GRXCR1: variants seen among roughly 807,000 people sequenced by gnomAD.
GRXCR1 encodes glutaredoxin domain-containing cysteine-rich protein 1.
Under a neutral mutation model 27.3 loss-of-function variants are expected in GRXCR1, and 27 were observed. The observed-to-expected ratio is 0.99, with a 90% CI of 0.73 to 1.37. The LOEUF (loss-of-function observed/expected upper bound fraction) is 1.37. Ranked by LOEUF, GRXCR1 falls within the 40% of genes most tolerant of loss-of-function variation. The pLI is 0.00. For missense variants in GRXCR1, 379 were observed against 354.4 expected (o/e 1.07, Z -0.56); for synonymous variants, 122 against 131.1 (o/e 0.93, Z 0.47).
chr4:42,980,848 G>C (rs1264344226), intron 2 of GRXCR1, among the ~76,000 whole-genome samples: 2 of 151,546 alleles, frequency 1.3e-5, no homozygotes, highest in East Asian at 1.9e-4. Context: ...AATATTTTTT[G>C]GTTTCCATTT....
chr4:42,966,160 C>T (rs1187924018), intron 2 of GRXCR1, among the ~76,000 whole-genome samples: 1 of 151,990 alleles, frequency 6.6e-6, no homozygotes, highest in Non-Finnish European at 1.5e-5. Flanking sequence ...CATTATTTTG[C>T]ATCAGAAATT....
At chr4:42,983,288 C>G (rs1577931370) in intron 2 of GRXCR1, among the ~76,000 whole-genome samples, 2 of 145,206 alleles carry the variant, frequency 1.4e-5, no homozygotes, top group Admixed American at 1.4e-4. Flanking sequence ...AGCCAGTTTT[C>G]CCAGCACCAT....
chr4:42,942,640 C>G (rs16855134), intron 1 of GRXCR1, among the ~76,000 whole-genome samples: 40,646 of 151,974 alleles, frequency 0.27, 6,022 homozygotes, highest in African/African-American at 0.4. Context: ...GGGCTTCTTA[C>G]TCCAGCAACA....
intron 2 of GRXCR1, among the ~76,000 whole-genome samples, chr4:42,990,621 T>C (rs1400085197): frequency 6.6e-6 from 1 of 152,146 alleles, no homozygotes; most frequent in African/African-American, 2.4e-5. Flanking sequence ...TAATACTTCT[T>C]TGGAGATTTT....
At chr4:42,895,400 C>T (rs1183210790) in intron 1 of GRXCR1, among the ~76,000 whole-genome samples, 2 of 152,248 alleles carry the variant, frequency 1.3e-5, no homozygotes, top group Admixed American at 1.3e-4. Flanking sequence ...ATCTATCCCT[C>T]CCAACTGCCC....
At chr4:42,898,239 A>G (rs13140455) in intron 1 of GRXCR1, among the ~76,000 whole-genome samples, 39,813 of 139,372 alleles carry the variant, frequency 0.29, 6,358 homozygotes, top group Non-Finnish European at 0.4. Flanking sequence ...TTTATCATTT[A>G]TTGAACATTT....
At chr4:42,919,038 GCATAAC>G (rs1746948584) in intron 1 of GRXCR1, among the ~76,000 whole-genome samples, 2 of 152,198 alleles carry the variant, frequency 1.3e-5, no homozygotes, top group African/African-American at 4.8e-5. Context: ...ATAATAGCCA[GCATAAC>G]CATTTAATAA....
intron 3 of GRXCR1, among the ~76,000 whole-genome samples, chr4:43,022,760 A>G (rs1028950002): frequency 1.3e-5 from 2 of 152,210 alleles, no homozygotes; most frequent in African/African-American, 4.8e-5. Context: ...TACAGATCCA[A>G]ACCGATCCCA....
At chr4:42,914,407 C>T (rs573981841) in intron 1 of GRXCR1, among the ~76,000 whole-genome samples, 6 of 152,340 alleles carry the variant, frequency 3.9e-5, no homozygotes, top group African/African-American at 1.4e-4. Context: ...TTAATAACTG[C>T]CCTATTGAAT....
Position 42,955,895 on chromosome 4 carries a change from C to T in GRXCR1, c.385-6997C>T, listed in dbSNP as rs184820949. Among the ~76,000 whole-genome samples the T allele has an allele frequency of 1.8e-4, 28 of 152,120 alleles. 1 individual carries two copies. The highest frequency in any genetic ancestry group is 6.3e-4 in the African/African-American group (26 of 41,512). On this transcript the variant is annotated intron_variant, in intron 1 of 3. Transcript: ENST00000399770. ...AATAACCCACTGGATTTGCATCTGC[C>T]TGAGGAGCTGAGCCTGCTCCGTGCT...
chr4:43,007,284 G>C (rs193208590), intron 2 of GRXCR1, among the ~76,000 whole-genome samples: 1 of 152,264 alleles, frequency 6.6e-6, no homozygotes, highest in Non-Finnish European at 1.5e-5. Flanking sequence ...AGCTGGGCTT[G>C]TTCTAGGAGC....
chr4:42,973,966 C>A (rs1748446807), intron 2 of GRXCR1, among the ~76,000 whole-genome samples: 1 of 152,102 alleles, frequency 6.6e-6, no homozygotes, highest in African/African-American at 2.4e-5. Flanking sequence ...AAAGCACAAA[C>A]AAATTGGTGG....
intron 2 of GRXCR1, among the ~76,000 whole-genome samples, chr4:42,975,552 C>T (rs529252361): frequency 6.6e-5 from 10 of 152,226 alleles, no homozygotes; most frequent in African/African-American, 2.4e-4. Context: ...TAACAGATGT[C>T]TCTTCCAGCA....
chr4:42,936,977 C>T (rs1407585777), intron 1 of GRXCR1, among the ~76,000 whole-genome samples: 1 of 151,840 alleles, frequency 6.6e-6, no homozygotes, highest in South Asian at 2.1e-4. Flanking sequence ...CCCTACTTTC[C>T]ACACTGTACT....
At chr4:43,017,272 G>A (rs16855222) in intron 2 of GRXCR1, among the ~76,000 whole-genome samples, 8,980 of 152,182 alleles carry the variant, frequency 0.059, 826 homozygotes, top group African/African-American at 0.2. Flanking sequence ...ATATACCCCA[G>A]ACTAGGAGTT....
rs376879168 is a variant in GRXCR1, at chr4:42,893,372, G to A, written c.106G>A (p.Gly36Arg). Residue 36 changes from glycine (G) to arginine (R), a missense_variant, in exon 1 of 4, where the codon GGG (glycine) becomes AGG (arginine). Physicochemically the swap from Gly to Arg is moderately radical, Grantham distance 125. Coordinates refer to ENST00000399770, the MANE Select transcript of GRXCR1 (RefSeq NM_001080476.3). ...AGTTCTGAAGGAAGTGTATGAAGAT[G>A]GGCAACCGTCAGGCTCTCTGGATTC... ...GRVLKEVYEDGQPSGSLDSEC... is the reference protein window; with the variant it reads ...GRVLKEVYEDRQPSGSLDSEC... 20 of 1,613,810 alleles carry A rather than the reference G, an allele frequency of 1.2e-5. No homozygotes were observed. In the African/African-American group the frequency reaches 2.1e-4, roughly 17 times the overall value.
At chr4:42,996,849 G>A (rs906605575) in intron 2 of GRXCR1, among the ~76,000 whole-genome samples, 1 of 151,834 alleles carries the variant, frequency 6.6e-6, no homozygotes, top group Non-Finnish European at 1.5e-5. Flanking sequence ...TAAAAGACAC[G>A]TTAGTAATTA....
intron 2 of GRXCR1, among the ~76,000 whole-genome samples, chr4:42,966,786 T>A (rs929742755): frequency 3.9e-5 from 6 of 152,172 alleles, no homozygotes; most frequent in African/African-American, 1.4e-4. Flanking sequence ...CTTTCCCTAA[T>A]GACATATGAT....
chr4:43,012,590 G>C (rs531246391), intron 2 of GRXCR1, among the ~76,000 whole-genome samples: 1 of 151,888 alleles, frequency 6.6e-6, no homozygotes, highest in South Asian at 2.1e-4. Flanking sequence ...ACTAATTATT[G>C]AGTTCATATT....
Sources: allele counts gnomAD v4.1 joint callset (sites outside exome capture counted in the v4.1 genomes callset), GRCh38; gene constraint gnomAD v4.1.1; transcripts MANE v1.5; gene names NCBI Gene and HGNC (gene_info 2026-07-23, HGNC 2026-07-21).